LNPK: variants seen among roughly 807,000 people sequenced by gnomAD.
LNPK encodes lunapark, ER junction formation factor.
A neutral mutation model predicts 55.2 loss-of-function variants in LNPK; 29 were observed. That is an observed-to-expected ratio of 0.53 (90% confidence interval 0.39 to 0.72). The LOEUF (loss-of-function observed/expected upper bound fraction) is 0.72, where lower values mean the gene tolerates loss of function less well. LNPK is among the 30% of genes least tolerant of loss of function. The pLI, the probability that LNPK is intolerant of heterozygous loss-of-function variation, is 0.00. For missense variants in LNPK, 467 were observed against 494.8 expected (o/e 0.94, Z 0.53); for synonymous variants, 162 against 168.2 (o/e 0.96, Z 0.29).
intron 4 of LNPK, among the ~76,000 whole-genome samples, chr2:175,989,155 A>G (rs1687575221): frequency 1.3e-5 from 2 of 152,162 alleles, no homozygotes; most frequent in South Asian, 2.1e-4. Context: ...ATGTTTGTCA[A>G]CCTAGCTGGA....
intron 8 of LNPK, among the ~76,000 whole-genome samples, chr2:175,957,232 C>T (rs1685737532): frequency 1.3e-5 from 2 of 152,008 alleles, no homozygotes; most frequent in South Asian, 4.2e-4. Context: ...ATGGCGGGCA[C>T]CTGTAATCCC....
rs760167909 is a variant in LNPK, at chr2:175,964,555, G to A, written c.392C>T (p.Thr131Met). The stretch of plus-strand genomic sequence containing the variant: ...AAACCTTTCAAGAATTAATTTAGCC[G>A]TCTTGTAAGTTTCTTTTTCCATGAC... Reference protein sequence around the residue: ...EEVMEKETYKTAKLILERFDP... With the variant: ...EEVMEKETYKMAKLILERFDP... The change falls in exon 7 of 13, where the codon ACG (threonine) becomes ATG (methionine). Residue 131 changes from threonine to methionine, a missense_variant. Transcript: ENST00000272748. The A allele has an allele frequency of 6.0e-5, 96 of 1,609,802 alleles. No homozygotes were observed. The highest frequency in any genetic ancestry group is 4.5e-4 in the South Asian group (41 of 90,980).
chr2:175,924,837 G>C lies in LNPK; in HGVS notation c.*5130C>G, dbSNP rs1183484437. 1 of 152,412 alleles carries C rather than the reference G, an allele frequency of 6.6e-6. No homozygotes were observed. The highest frequency in any genetic ancestry group is 1.5e-5 in the Non-Finnish European group (1 of 68,296). The allele number at this position is 152,412 out of a possible 1,614,324, so 9.4% of individuals were successfully genotyped here. On this transcript the variant is annotated 3_prime_UTR_variant, in exon 13 of 13. Coordinates refer to ENST00000272748, the MANE Select transcript of LNPK (RefSeq NM_030650.3). ...AAGCAAAGGGGAGCTGGTGTGTGCA[G>C]AGATCACACAGCAAGAGAGAGGAAG...
rs750946983 is a variant in LNPK at position 175,979,875 on chromosome 2, G to A, written c.258-7C>T. The A allele has an allele frequency of 2.7e-5, 42 of 1,566,102 alleles. No individual in the cohort carries two copies. In the African/African-American group the frequency reaches 5.1e-4, roughly 19 times the overall value. On this transcript the variant is annotated splice_polypyrimidine_tract_variant and splice_region_variant and intron_variant, in intron 4 of 12. Transcript: ENST00000272748. ...TGTTCTTATGCTCCAGATGCTAAAAGGGAAGCAAAATTCAGAAACAAAAAA... is the reference window on the plus strand; with the variant it reads ...TGTTCTTATGCTCCAGATGCTAAAAAGGAAGCAAAATTCAGAAACAAAAAA...
intron 4 of LNPK, among the ~76,000 whole-genome samples, chr2:175,980,899 T>C (rs1335650458): frequency 7.6e-6 from 1 of 131,022 alleles, no homozygotes; most frequent in African/African-American, 2.7e-5. Flanking sequence ...AGAGAAAGAC[T>C]GTCCCAAAAA....
chr2:175,954,641 T>G (rs2105589410), intron 8 of LNPK, among the ~76,000 whole-genome samples: 1 of 152,332 alleles, frequency 6.6e-6, no homozygotes, highest in South Asian at 2.1e-4. Flanking sequence ...CTTTATCACC[T>G]TAATAATTTA....
chr2:175,941,962 GA>G (rs2105545169), intron 9 of LNPK, among the ~76,000 whole-genome samples: 2 of 151,636 alleles, frequency 1.3e-5, no homozygotes, highest in South Asian at 4.2e-4. Flanking sequence ...AGTTCTGAAA[GA>G]AAAAACTGTC....
chr2:175,995,313 C>G (rs1339275740), intron 2 of LNPK, among the ~76,000 whole-genome samples: 1 of 151,798 alleles, frequency 6.6e-6, no homozygotes, highest in Non-Finnish European at 1.5e-5. Context: ...TACAGAAATA[C>G]AGAAATAAAA....
chr2:175,930,315 C>T (rs1684214525), intron 12 of LNPK, 116 bp from the exon 13 acceptor site: 1 of 511,320 alleles, frequency 2.0e-6, no homozygotes, highest in Non-Finnish European at 3.4e-6. Context: ...CACACACACA[C>T]ACAAAGAAAC....
At chr2:175,983,454 A>C (rs781702479) in intron 4 of LNPK, among the ~76,000 whole-genome samples, 1 of 152,202 alleles carries the variant, frequency 6.6e-6, no homozygotes, top group Non-Finnish European at 1.5e-5. Flanking sequence ...CCTATAAATA[A>C]CTGACCCAAA....
At chr2:175,983,286 T>G (rs1687258609) in intron 4 of LNPK, among the ~76,000 whole-genome samples, 1 of 151,914 alleles carries the variant, frequency 6.6e-6, no homozygotes, top group African/African-American at 2.4e-5. Flanking sequence ...GGCAAGGGGG[T>G]TGGGGGGAAG....
chr2:175,955,122 T>A (rs573984336), intron 8 of LNPK, among the ~76,000 whole-genome samples: 1 of 152,338 alleles, frequency 6.6e-6, no homozygotes, highest in South Asian at 2.1e-4. Flanking sequence ...TTAAAGTACA[T>A]GTGGCAGTTT....
intron 1 of LNPK, among the ~76,000 whole-genome samples, chr2:175,998,677 T>C (rs1374564030): frequency 6.6e-6 from 1 of 152,262 alleles, no homozygotes; most frequent in African/African-American, 2.4e-5. Flanking sequence ...AAGTGAGTAA[T>C]AAGCACAAGA....
At chr2:175,961,286 C>T (rs548926363) in intron 8 of LNPK, among the ~76,000 whole-genome samples, 1 of 152,238 alleles carries the variant, frequency 6.6e-6, no homozygotes, top group African/African-American at 2.4e-5. Context: ...TGATGAACAT[C>T]GATGCGAAAA....
intron 4 of LNPK, among the ~76,000 whole-genome samples, chr2:175,990,048 A>G (rs1559073237): frequency 6.6e-6 from 1 of 152,208 alleles, no homozygotes; most frequent in Non-Finnish European, 1.5e-5. Flanking sequence ...GTGTTGAGCA[A>G]AACAACATAC....
In LNPK at chr2:175,928,502, T is replaced by A. The variant is rs1277470952; in HGVS notation, c.*1465A>T. The A allele has an allele frequency of 9.5e-6, 1 of 105,418 alleles. No individual in the cohort carries two copies. Among genetic ancestry groups the A allele is most frequent in the African/African-American group, 3.7e-5 (1 of 26,934 alleles). The allele number at this position is 105,418 out of a possible 1,614,324, so 6.5% of individuals were successfully genotyped here. On this transcript the variant is annotated 3_prime_UTR_variant, in exon 13 of 13. Transcript: ENST00000272748. The stretch of plus-strand genomic sequence containing the variant: ...CGGATGTCCCAGACTGTTAACAGAT[T>A]GAGTTCCAAAAAAAAAAAAAAAAAA...
intron 9 of LNPK, among the ~76,000 whole-genome samples, chr2:175,942,424 T>C (rs1274227068): frequency 6.6e-6 from 1 of 152,144 alleles, no homozygotes; most frequent in Non-Finnish European, 1.5e-5. Flanking sequence ...TACCAATACA[T>C]GGCATTCTCA....
chr2:175,964,594 G>C lies in LNPK; in HGVS notation c.358-5C>G, dbSNP rs756169251. On this transcript the variant is annotated splice_polypyrimidine_tract_variant and splice_region_variant and intron_variant, in intron 6 of 12. Transcript: ENST00000272748. ...TTTTTCCATGACTTCTTCAAGCTAC[G>C]AACAAAAATTTCCATAAATTGTCAC... 6.4e-7 allele frequency: 1 copy of C among 1,557,634 alleles called. No homozygotes were observed. Among genetic ancestry groups the C allele is most frequent in the South Asian group, 1.1e-5 (1 of 89,748 alleles).
chr2:175,963,792 A>G (rs1686193085), intron 8 of LNPK, among the ~76,000 whole-genome samples: 1 of 151,998 alleles, frequency 6.6e-6, no homozygotes, highest in South Asian at 2.1e-4. Flanking sequence ...CAGTCTGGGG[A>G]ATATTTTATG....
Sources: allele counts gnomAD v4.1 joint callset (sites outside exome capture counted in the v4.1 genomes callset), GRCh38; gene constraint gnomAD v4.1.1; transcripts MANE v1.5; gene names NCBI Gene and HGNC (gene_info 2026-07-23, HGNC 2026-07-21).